The following CSNK2A2IP variants were observed in gnomAD, a reference collection of about 807,000 sequenced individuals.
CSNK2A2IP encodes casein kinase II subunit alpha'-interacting protein.
the CSNK2A2IP span, among the ~76,000 whole-genome samples, chr3:88,418,867 G>T: frequency 6.6e-6 from 1 of 152,150 alleles, no homozygotes; most frequent in Non-Finnish European, 1.5e-5. Flanking sequence ...TGAGCCACAG[G>T]CAAGAGAGCC....
At chr3:88,466,224 T>C in the CSNK2A2IP span, 1 of 1,231,658 alleles carries the variant, frequency 8.1e-7, no homozygotes, top group African/African-American at 1.5e-5. Context: ...CTAACCCCAC[T>C]ATTGGAGGCT....
the CSNK2A2IP span, among the ~76,000 whole-genome samples, chr3:88,377,767 C>G: frequency 0.38 from 58,109 of 151,590 alleles, 14,145 homozygotes; most frequent in South Asian, 0.6. Flanking sequence ...CAAGATCACA[C>G]AGTTGGGCAG....
the CSNK2A2IP span, among the ~76,000 whole-genome samples, chr3:88,355,804 T>C: frequency 1.3e-5 from 2 of 152,148 alleles, no homozygotes; most frequent in Non-Finnish European, 2.9e-5. Context: ...ACTAATGGTC[T>C]TGTGTGGGCA....
chr3:88,426,864 T>C, the CSNK2A2IP span, among the ~76,000 whole-genome samples: 19,898 of 130,726 alleles, frequency 0.15, 1,779 homozygotes, highest in East Asian at 0.2. Context: ...AATAGACTAA[T>C]AGAGTAAATT....
At chr3:88,423,034 G>T in the CSNK2A2IP span, among the ~76,000 whole-genome samples, 1 of 152,110 alleles carries the variant, frequency 6.6e-6, no homozygotes, top group Non-Finnish European at 1.5e-5. Context: ...AAGAAGCCTG[G>T]TGAGAATCTG....
chr3:88,430,461 AT>A, the CSNK2A2IP span, among the ~76,000 whole-genome samples: 9 of 152,198 alleles, frequency 5.9e-5, no homozygotes, highest in African/African-American at 2.2e-4. Flanking sequence ...TAAAGTTAAA[AT>A]GGAAGTTGCT....
chr3:88,402,436 C>T, the CSNK2A2IP span, among the ~76,000 whole-genome samples: 4 of 152,004 alleles, frequency 2.6e-5, no homozygotes, highest in Non-Finnish European at 5.9e-5. Context: ...AAAACTCTTG[C>T]ATATGTGCAC....
At chr3:88,369,073 G>T in the CSNK2A2IP span, among the ~76,000 whole-genome samples, 1 of 151,926 alleles carries the variant, frequency 6.6e-6, no homozygotes, top group South Asian at 2.1e-4. Flanking sequence ...AACCTTCATG[G>T]CAAAAAGAAG....
the CSNK2A2IP span, among the ~76,000 whole-genome samples, chr3:88,446,054 C>A: frequency 1.1e-5 from 1 of 94,054 alleles, no homozygotes; most frequent in African/African-American, 4.1e-5. Flanking sequence ...TTCTTTCTTT[C>A]TTTCTTTCTT....
chr3:88,440,300 T>C, the CSNK2A2IP span, among the ~76,000 whole-genome samples: 1 of 152,170 alleles, frequency 6.6e-6, no homozygotes, highest in Non-Finnish European at 1.5e-5. Flanking sequence ...GGAGTTGAGT[T>C]TTTTTTAGAT....
the CSNK2A2IP span, among the ~76,000 whole-genome samples, chr3:88,460,842 G>C: frequency 0.054 from 8,164 of 152,176 alleles, 385 homozygotes; most frequent in East Asian, 0.17. Flanking sequence ...AGTCCCAGCA[G>C]TTTGGGAGGC....
the CSNK2A2IP span, among the ~76,000 whole-genome samples, chr3:88,438,680 C>G: frequency 6.6e-6 from 1 of 152,104 alleles, no homozygotes; most frequent in Admixed American, 6.6e-5. Flanking sequence ...CCTTTGTGTC[C>G]AATCACATTT....
the CSNK2A2IP span, among the ~76,000 whole-genome samples, chr3:88,413,013 G>A: frequency 6.6e-6 from 1 of 151,982 alleles, no homozygotes; most frequent in Non-Finnish European, 1.5e-5. Flanking sequence ...ATAGAAGTAG[G>A]TATCCCTATT....
the CSNK2A2IP span, among the ~76,000 whole-genome samples, chr3:88,388,630 A>G: frequency 6.6e-6 from 1 of 152,206 alleles, no homozygotes; most frequent in African/African-American, 2.4e-5. Flanking sequence ...TTGGTTTATT[A>G]ACAGTAGTCA....
At chr3:88,349,525 C>T in the CSNK2A2IP span, among the ~76,000 whole-genome samples, 4 of 152,088 alleles carry the variant, frequency 2.6e-5, no homozygotes, top group Non-Finnish European at 4.4e-5. Context: ...TTTCTTTATC[C>T]ATTCATTGGT....
the CSNK2A2IP span, among the ~76,000 whole-genome samples, chr3:88,368,020 TC>T: frequency 6.6e-6 from 1 of 152,012 alleles, no homozygotes; most frequent in Non-Finnish European, 1.5e-5. Flanking sequence ...ATTATGGGGA[TC>T]AAAAAGTATG....
chr3:88,360,341 G>C, the CSNK2A2IP span, among the ~76,000 whole-genome samples: 2 of 151,964 alleles, frequency 1.3e-5, no homozygotes, highest in Non-Finnish European at 2.9e-5. Flanking sequence ...CACCGTGTTA[G>C]CCAGGATGGT....
At chr3:88,464,810 A>G in the CSNK2A2IP span, among the ~76,000 whole-genome samples, 1 of 152,216 alleles carries the variant, frequency 6.6e-6, no homozygotes, top group East Asian at 1.9e-4. Context: ...TTTATTGAGC[A>G]TCTATAATAT....
chr3:88,466,578 TAAAG>T, the CSNK2A2IP span: 1 of 1,231,600 alleles, frequency 8.1e-7, no homozygotes, highest in Non-Finnish European at 1.0e-6. Flanking sequence ...CAGAATCAAA[TAAAG>T]AAATTCCTTG....
Sources: gnomAD v4.1 joint callset for allele counts (sites outside exome capture counted in the v4.1 genomes callset) on GRCh38, gnomAD v4.1.1 for gene constraint, MANE v1.5 for transcripts, NCBI Gene and HGNC (gene_info 2026-07-23, HGNC 2026-07-21) for gene names.